Variants in MAN1B1 observed in about 807,000 individuals in gnomAD.
The protein encoded by MAN1B1 is endoplasmic reticulum mannosyl-oligosaccharide 1,2-alpha-mannosidase.
Under a neutral mutation model 75.5 loss-of-function variants are expected in MAN1B1, and 66 were observed. The observed-to-expected ratio is 0.87, with a 90% CI of 0.72 to 1.07. The LOEUF (loss-of-function observed/expected upper bound fraction) is 1.07, where lower values mean the gene tolerates loss of function less well. Among genes scored for constraint, MAN1B1 ranks in the 50% least tolerant of loss-of-function variants. The pLI is 0.00. For missense variants in MAN1B1, 973 were observed against 912.5 expected, an observed-to-expected ratio of 1.07 and a Z score of -0.85; for synonymous variants, 453 against 382.8, an observed-to-expected ratio of 1.18 and a Z score of -2.14.
chr9:137,109,039 G>A lies in MAN1B1; in HGVS notation c.*448G>A, dbSNP rs946664239. The A allele has an allele frequency of 3.1e-5, 14 of 458,244 alleles. No individual in the cohort carries two copies. Among genetic ancestry groups the A allele is most frequent in the Admixed American group, 2.8e-4 (12 of 42,584 alleles). The allele number at this position is 458,244 out of a possible 1,614,324, so 28.4% of individuals were successfully genotyped here. ...CCAGAGGCCTGAGGCTCCAGGGCTG[G>A]CTCTGGTGTTTACAAGCTGGACTCA... On this transcript the variant is annotated 3_prime_UTR_variant, in exon 13 of 13. Transcript: ENST00000371589.
intron 8 of MAN1B1, chr9:137,103,347 C>T (rs1830959697): frequency 2.3e-6 from 1 of 433,688 alleles, no homozygotes; most frequent in African/African-American, 2.3e-5. Context: ...CATTTTCACG[C>T]TGTTGCAGAC....
intron 4 of MAN1B1, 137 bp from the exon 5 acceptor site, chr9:137,097,691 A>G: frequency 1.4e-6 from 1 of 714,014 alleles, no homozygotes; most frequent in Non-Finnish European, 2.5e-6. Flanking sequence ...CCTGCCACTC[A>G]GCAGCCTGCA....
At position 137,108,646 on chromosome 9, in the gene MAN1B1, C is replaced by T. The variant is rs1037467656; in HGVS notation, c.*55C>T. 7.0e-6 allele frequency: 11 copies of T among 1,562,918 alleles called. No individual in the cohort carries two copies. In the African/African-American group the frequency reaches 1.4e-4, roughly 19 times the overall value. The stretch of plus-strand genomic sequence containing the variant: ...GGTGGGCAGAGGCACCTTGCTGGGT[C>T]TGTGGCATTTTCCAAGGGCCCACGT... On this transcript the variant is annotated 3_prime_UTR_variant, in exon 13 of 13. Transcript: ENST00000371589.
At chr9:137,108,171 G>A (rs559168725) in intron 12 of MAN1B1, 14 of 615,414 alleles carry the variant, frequency 2.3e-5, no homozygotes, top group East Asian at 8.2e-5. Context: ...TGGGGGAGGC[G>A]GTTTCTGTCG....
intron 3 of MAN1B1, among the ~76,000 whole-genome samples, chr9:137,089,590 A>G (rs1258997637): frequency 6.6e-6 from 1 of 152,212 alleles, no homozygotes; most frequent in East Asian, 1.9e-4. Context: ...GTGGTCCTGC[A>G]GGTCCTGGAG....
At position 137,107,395 on chromosome 9, in the gene MAN1B1, T is replaced by A. The variant is rs1285205078; in HGVS notation, c.1712T>A (p.Ile571Asn). The part of the protein sequence containing the change: ...RQMETGLSPE[I>N]VHFNLYPQPG... ...ATGGAGACGGGGCTGAGTCCCGAGATCGTGCACTTCAACCTTTACCCCCAG... is the reference window on the plus strand; with the variant it reads ...ATGGAGACGGGGCTGAGTCCCGAGAACGTGCACTTCAACCTTTACCCCCAG... Residue 571 changes from isoleucine to asparagine, a missense_variant, in exon 11 of 13, where the codon ATC becomes AAC. Ile to Asn is a moderately radical substitution (Grantham distance 149). Transcript: ENST00000371589. The A allele has an allele frequency of 6.2e-7, 1 of 1,613,180 alleles. No individual in the cohort carries two copies. The highest frequency in any genetic ancestry group is 8.5e-7 in the Non-Finnish European group (1 of 1,179,966).
intron 8 of MAN1B1, chr9:137,104,008 C>G (rs929173106): frequency 2.2e-6 from 1 of 455,018 alleles, no homozygotes; most frequent in Admixed American, 2.4e-5. Context: ...GTGTTACATT[C>G]ACGCTGTTGC....
At chr9:137,100,193 G>A (rs1327888355) in intron 6 of MAN1B1, among the ~76,000 whole-genome samples, 1 of 152,180 alleles carries the variant, frequency 6.6e-6, no homozygotes, top group East Asian at 1.9e-4. Context: ...GTGACTGTGG[G>A]GCCCCGCTGG....
chr9:137,104,136 G>A (rs1274967714), intron 8 of MAN1B1: 3 of 449,450 alleles, frequency 6.7e-6, no homozygotes, highest in African/African-American at 6.0e-5. Flanking sequence ...GACCCTTCAT[G>A]TCCCTCCCCA....
intron 3 of MAN1B1, among the ~76,000 whole-genome samples, chr9:137,091,821 C>A (rs150679787): frequency 1.3e-5 from 2 of 152,078 alleles, no homozygotes; most frequent in Admixed American, 6.6e-5. Context: ...CCACCACGCC[C>A]GGCCTTAAAA....
At chr9:137,089,367 G>C in intron 3 of MAN1B1, 2 of 353,088 alleles carry the variant, frequency 5.7e-6, no homozygotes, top group South Asian at 4.6e-5. Context: ...GCAGGGCGCT[G>C]GTGAAGAACA....
intron 8 of MAN1B1, 168 bp from the exon 9 acceptor site, chr9:137,105,957 A>G (rs1831078696): frequency 2.8e-6 from 2 of 707,634 alleles, no homozygotes; most frequent in Non-Finnish European, 5.1e-6. Flanking sequence ...TGGTACGGCC[A>G]CCAGGAGCCA....
intron 8 of MAN1B1, chr9:137,104,201 C>T (rs1588641566): frequency 5.1e-6 from 2 of 393,220 alleles, no homozygotes; most frequent in Non-Finnish European, 1.0e-5. Flanking sequence ...GTGTGGAGTT[C>T]CTCGTGTGAG....
rs758675536 is a variant in MAN1B1 at position 137,088,108 on chromosome 9, A to G, written c.253A>G (p.Met85Val). 14 of 1,614,102 alleles carry G rather than the reference A, an allele frequency of 8.7e-6. No individual in the cohort carries two copies. Among genetic ancestry groups the G allele is most frequent in the Non-Finnish European group, 1.1e-5 (13 of 1,180,042 alleles). The change falls in exon 2 of 13, where the codon ATG becomes GTG. Residue 85 changes from methionine (M) to valine (V), a missense_variant. Physicochemically the swap from Met to Val is conservative, Grantham distance 21. Coordinates refer to ENST00000371589, the MANE Select transcript of MAN1B1 (RefSeq NM_016219.5). ...WKQLSRLQRN[M>V]ILFLLAFLLF... is the part of the protein sequence containing the mutation. ...GCAACTGTCGAGATTGCAGCGGAAT[A>G]TGATTCTCTTCCTCCTTGCCTTTCT...
intron 8 of MAN1B1, chr9:137,102,885 T>G (rs1830912974): frequency 2.4e-6 from 1 of 420,532 alleles, no homozygotes; most frequent in Admixed American, 2.7e-5. Flanking sequence ...TTCATGCTGT[T>G]GCAGGCGTGC....
At position 137,099,677 on chromosome 9, in the gene MAN1B1, G is replaced by A; in HGVS notation, c.731-19G>A. On this transcript the variant is annotated intron_variant, in intron 5 of 12. Transcript: ENST00000371589. ...CAGGACCACGTCCGCCATGGCCTGT[G>A]CTCTCTCCCCCCTACTAGTGCATCT... 6.2e-7 allele frequency: 1 copy of A among 1,613,824 alleles called. No homozygotes were observed. Among genetic ancestry groups the A allele is most frequent in the African/African-American group, 1.3e-5 (1 of 75,074 alleles).
chr9:137,101,448 C>T, intron 7 of MAN1B1, 36 bp from the exon 8 acceptor site: 2 of 1,596,322 alleles, frequency 1.3e-6, no homozygotes, highest in Non-Finnish European at 1.7e-6. Context: ...CTCTGGGTGA[C>T]CTGAACGTTG....
intron 8 of MAN1B1, 157 bp from the exon 9 acceptor site, chr9:137,105,968 T>C (rs1172626770): frequency 4.2e-6 from 3 of 716,182 alleles, no homozygotes; most frequent in South Asian, 1.5e-5. Flanking sequence ...CCAGGAGCCA[T>C]GTGGGCAAGG....
In MAN1B1 at chr9:137,101,507, G is replaced by A. The variant is rs1485610412; in HGVS notation, c.1089G>A (p.Met363Ile). 5.0e-6 allele frequency: 8 copies of A among 1,613,764 alleles called. No individual in the cohort carries two copies. Among genetic ancestry groups the A allele is most frequent in the South Asian group, 1.1e-5 (1 of 91,090 alleles). Reference sequence around the variant, plus strand: ...AGGAGGATTTTGGAAATCGGCTAATGCCTGCCTTCAGAACACCATCCAAGA... The same window carrying A: ...AGGAGGATTTTGGAAATCGGCTAATACCTGCCTTCAGAACACCATCCAAGA... ...RKAEDFGNRL[M>I]PAFRTPSKIP... Residue 363 changes from methionine (M) to isoleucine (I), a missense_variant, in exon 8 of 13, where the codon ATG becomes ATA. Transcript: ENST00000371589.
Sources: gnomAD v4.1 joint callset for allele counts (sites outside exome capture counted in the v4.1 genomes callset) on GRCh38, gnomAD v4.1.1 for gene constraint, MANE v1.5 for transcripts, NCBI Gene and HGNC (gene_info 2026-07-23, HGNC 2026-07-21) for gene names.